RICTOR: variants seen among roughly 807,000 people sequenced by gnomAD.
RICTOR encodes the protein RPTOR independent companion of MTOR complex 2.
Under a neutral mutation model 214.9 loss-of-function variants are expected in RICTOR, and 49 were observed. That is an observed-to-expected ratio of 0.23 (90% confidence interval 0.18 to 0.29). RICTOR has a LOEUF of 0.29. Among genes scored for constraint, RICTOR ranks in the 10% least tolerant of loss-of-function variants. The probability of loss-of-function intolerance (pLI) is 1.00; values close to 1 mark genes in which losing one functional copy is unlikely to be tolerated. For synonymous variants in RICTOR, 717 were observed against 711.3 expected (o/e 1.01, Z -0.13); for missense variants, 1,625 against 2,047.0 (o/e 0.79, Z 3.98).
intron 2 of RICTOR, among the ~76,000 whole-genome samples, chr5:39,069,528 A>G (rs1308289131): frequency 6.6e-6 from 1 of 152,244 alleles, no homozygotes; most frequent in East Asian, 1.9e-4. Flanking sequence ...GGGTAAAGAC[A>G]GTAAGTCTGG....
At position 38,945,629 on chromosome 5, in the gene RICTOR, C is replaced by G. The variant is rs1748108080; in HGVS notation, c.4495G>C (p.Asp1499His). The change falls in exon 34 of 38, where the codon GAT becomes CAT. Residue 1499 changes from aspartate to histidine, a missense_variant. This residue lies in a region of RICTOR where 1,214 missense variants were observed against 1,470.5 expected (regional missense o/e 0.83). Coordinates refer to ENST00000357387, the MANE Select transcript of RICTOR (RefSeq NM_152756.5). The part of the protein sequence containing the change: ...LTEIMNSIHS[D>H]ASLFLESTED... ...GTACTTTCTAAAAACAGAGAGGCAT[C>G]TGAATGGATTGAATTCATTATTTCC... 3.7e-6 allele frequency: 6 copies of G among 1,613,838 alleles called. No individual in the cohort carries two copies. The highest frequency in any genetic ancestry group is 4.2e-6 in the Non-Finnish European group (5 of 1,179,752).
chr5:38,961,837 T>G lies in RICTOR; in HGVS notation c.1715+478A>C, dbSNP rs80103490. On this transcript the variant is annotated intron_variant, in intron 19 of 37. Transcript: ENST00000357387. Reference sequence around the variant, plus strand: ...GTCTAAACTCAGGAGTAAAAACATATGGGTGTAATGAAGAACAGCATCGTA... The same window carrying G: ...GTCTAAACTCAGGAGTAAAAACATAGGGGTGTAATGAAGAACAGCATCGTA... 1.7e-3 allele frequency among the ~76,000 whole-genome samples: 264 copies of G among 152,188 alleles called. 1 individual carries two copies. Among genetic ancestry groups the G allele is most frequent in the African/African-American group, 6.1e-3 (252 of 41,552 alleles).
At position 38,954,817 on chromosome 5, in the gene RICTOR, T is replaced by C; in HGVS notation, c.2654A>G (p.Gln885Arg). Residue 885 changes from glutamine (Q) to arginine (R), a missense_variant, in exon 27 of 38, where the codon CAA becomes CGA. Physicochemically the swap from Gln to Arg is conservative, Grantham distance 43. Transcript: ENST00000357387. ...GCAGCCTGTTTTATGGTGTACTAGT[T>C]GTCCATAAAGGTGTATAGGCAGGTA... ...HVYLPIHLYG[Q>R]LVHHKTGCHL... is the part of the protein sequence containing the mutation. The C allele has an allele frequency of 6.2e-7, 1 of 1,606,022 alleles. No homozygotes were observed. The highest frequency in any genetic ancestry group is 8.5e-7 in the Non-Finnish European group (1 of 1,173,276).
intron 22 of RICTOR, among the ~76,000 whole-genome samples, 168 bp from the exon 23 acceptor site, chr5:38,958,999 C>T (rs1052853598): frequency 2.6e-5 from 4 of 152,074 alleles, no homozygotes; most frequent in African/African-American, 7.2e-5. Flanking sequence ...TAGAATACTT[C>T]CCTTTCTATC....
In RICTOR at chr5:38,977,675, A is replaced by C. The variant is rs572112991; in HGVS notation, c.821+908T>G. ...CAGTGGTGTGATCTCAGCTCAATGCAAACTCCGCCTCCCAGGTTCAAGCAA... is the reference window on the plus strand; with the variant it reads ...CAGTGGTGTGATCTCAGCTCAATGCCAACTCCGCCTCCCAGGTTCAAGCAA... On this transcript the variant is annotated intron_variant, in intron 9 of 37. Coordinates refer to ENST00000357387, the MANE Select transcript of RICTOR (RefSeq NM_152756.5). Among the ~76,000 whole-genome samples the C allele has an allele frequency of 4.8e-5, 7 of 146,218 alleles. No individual in the cohort carries two copies. The East Asian group carries it at 1.4e-3, about 30-fold the overall frequency.
chr5:38,992,071 T>A (rs897965665), intron 6 of RICTOR, among the ~76,000 whole-genome samples: 23 of 152,268 alleles, frequency 1.5e-4, no homozygotes, highest in African/African-American at 5.3e-4. Flanking sequence ...AAAGATCTGT[T>A]TGATCAGTAG....
intron 2 of RICTOR, among the ~76,000 whole-genome samples, chr5:39,056,358 G>A (rs1758204243): frequency 6.6e-6 from 1 of 152,132 alleles, no homozygotes; most frequent in African/African-American, 2.4e-5. Context: ...ATAATGCCAG[G>A]CACAGTGGCT....
Position 39,059,289 on chromosome 5 carries a change from T to C in RICTOR, c.97+14822A>G, listed in dbSNP as rs560056278. On this transcript the variant is annotated intron_variant, in intron 2 of 37. Coordinates refer to ENST00000357387, the MANE Select transcript of RICTOR (RefSeq NM_152756.5). The stretch of plus-strand genomic sequence containing the variant: ...AGAGTACATCTACTGCATGAGTACA[T>C]TTTATAAAGTTCAAAAACCGGCGGC... Among the ~76,000 whole-genome samples the C allele has an allele frequency of 2.0e-5, 3 of 152,282 alleles. No homozygotes were observed. In the East Asian group the frequency reaches 5.8e-4, roughly 29 times the overall value.
rs761992435 is a variant in RICTOR at position 38,949,967 on chromosome 5, T to C, written c.3881A>G (p.His1294Arg). The C allele has an allele frequency of 6.2e-7, 1 of 1,613,486 alleles. No homozygotes were observed. Among genetic ancestry groups the C allele is most frequent in the Non-Finnish European group, 8.5e-7 (1 of 1,179,626 alleles). The change falls in exon 31 of 38, where the codon CAT becomes CGT. Residue 1294 changes from histidine to arginine, a missense_variant. Around this residue, in one of 5 missense-constraint regions of RICTOR, gnomAD observed 1,214 missense variants for 1,470.5 expected, o/e 0.83. Coordinates refer to ENST00000357387, the MANE Select transcript of RICTOR (RefSeq NM_152756.5). ...SVSLVPPGSS[H>R]TLPRRAQSLK... Reference sequence around the variant, plus strand: ...GGACTGTGCTCTTCTAGGAAGCGTATGAGAAGAACCTGGAGGCACCAGGGA... The same window carrying C: ...GGACTGTGCTCTTCTAGGAAGCGTACGAGAAGAACCTGGAGGCACCAGGGA...
intron 24 of RICTOR, 79 bp from the exon 25 acceptor site, chr5:38,957,809 A>T (rs978816297): frequency 6.5e-6 from 5 of 767,472 alleles, no homozygotes; most frequent in South Asian, 3.4e-5. Flanking sequence ...ACTAAAATTT[A>T]AAAAAGTATA....
Position 38,945,702 on chromosome 5 carries a change from A to G in RICTOR, c.4422T>C (p.Gly1474=). 1.2e-6 allele frequency: 2 copies of G among 1,607,668 alleles called. No homozygotes were observed. Among genetic ancestry groups the G allele is most frequent in the Non-Finnish European group, 1.7e-6 (2 of 1,174,286 alleles). Residue 1474 remains glycine (G), a synonymous_variant, in exon 34 of 38, where the codon GGT becomes GGC. Coordinates refer to ENST00000357387, the MANE Select transcript of RICTOR (RefSeq NM_152756.5). ...DAGGLPSGTG[G]LVKNSFHLLR... Reference sequence around the variant, plus strand: ...GCAAGTGAAAAGAATTTTTTACAAGACCTCCAGTTCCAGATGGAAGACCTG... The same window carrying G: ...GCAAGTGAAAAGAATTTTTTACAAGGCCTCCAGTTCCAGATGGAAGACCTG...
chr5:38,963,083 A>C, intron 16 of RICTOR, 42 bp from the exon 17 acceptor site: 1 of 1,426,392 alleles, frequency 7.0e-7, no homozygotes, highest in Non-Finnish European at 9.6e-7. Flanking sequence ...AGCAAGACCA[A>C]TATAATTTAA....
At chr5:39,021,500 C>A (rs933656173) in intron 2 of RICTOR, among the ~76,000 whole-genome samples, 5 of 152,138 alleles carry the variant, frequency 3.3e-5, no homozygotes, top group African/African-American at 4.8e-5. Context: ...GAAGGCTCTG[C>A]CCCCATGAAT....
At chr5:39,064,499 C>A (rs926436284) in intron 2 of RICTOR, among the ~76,000 whole-genome samples, 1 of 152,112 alleles carries the variant, frequency 6.6e-6, no homozygotes, top group African/African-American at 2.4e-5. Flanking sequence ...CATTCTTCTA[C>A]CATTATTCAT....
intron 6 of RICTOR, among the ~76,000 whole-genome samples, chr5:38,992,921 T>A (rs1752891555): frequency 6.6e-6 from 1 of 152,096 alleles, no homozygotes. Context: ...CACAAAGGAA[T>A]TAGAGAAGCA....
Position 38,960,551 on chromosome 5 carries a change from G to C in RICTOR, c.1716-18C>G, listed in dbSNP as rs1298272109. On this transcript the variant is annotated intron_variant, in intron 19 of 37. Transcript: ENST00000357387. Reference sequence around the variant, plus strand: ...GTACAAACCTAAAATCAAAACACAAGTAGCAAAAAGGTAAGAAATGAAGCA... The same window carrying C: ...GTACAAACCTAAAATCAAAACACAACTAGCAAAAAGGTAAGAAATGAAGCA... 1 of 1,607,796 alleles carries C rather than the reference G, an allele frequency of 6.2e-7. No homozygotes were observed. The highest frequency in any genetic ancestry group is 8.5e-7 in the Non-Finnish European group (1 of 1,176,294).
At position 38,962,963 on chromosome 5, in the gene RICTOR, A is replaced by G. The variant is rs1749917015; in HGVS notation, c.1479T>C (p.His493=). The change falls in exon 17 of 38, where the codon CAT becomes CAC. Residue 493 remains histidine, a synonymous_variant. Coordinates refer to ENST00000357387, the MANE Select transcript of RICTOR (RefSeq NM_152756.5). ...KKRGPKPYSL[H]LDHIIQKAIA... ...TTGCTTTCTGAATAATGTGGTCTAA[A>G]TGAAGACTATAAGGCTTAGGTCCTC... is the stretch of plus-strand genomic sequence containing the variant. The G allele has an allele frequency of 1.9e-6, 3 of 1,612,770 alleles. No homozygotes were observed. Among genetic ancestry groups the G allele is most frequent in the Non-Finnish European group, 2.5e-6 (3 of 1,178,986 alleles).
At chr5:38,975,918 C>T (rs1030890511) in intron 9 of RICTOR, among the ~76,000 whole-genome samples, 8 of 152,196 alleles carry the variant, frequency 5.3e-5, no homozygotes, top group Admixed American at 3.9e-4. Context: ...ATCTGTGGTA[C>T]TAGGCTGCCC....
intron 2 of RICTOR, among the ~76,000 whole-genome samples, chr5:39,039,712 A>G (rs1757023308): frequency 6.6e-6 from 1 of 152,234 alleles, no homozygotes; most frequent in Non-Finnish European, 1.5e-5. Context: ...AAACACATGA[A>G]AAAGTGCTCA....
Sources: allele counts gnomAD v4.1 joint callset (sites outside exome capture counted in the v4.1 genomes callset), GRCh38; gene constraint gnomAD v4.1.1; regional missense constraint gnomAD v4.1.1; transcripts MANE v1.5; gene names NCBI Gene and HGNC (gene_info 2026-07-23, HGNC 2026-07-21).